Variants in MEI4 observed in about 807,000 individuals in gnomAD.
The protein encoded by MEI4 is meiosis-specific protein MEI4.
Under a neutral mutation model 31.4 loss-of-function variants are expected in MEI4, and 27 were observed. The observed-to-expected ratio is 0.86, with a 90% CI of 0.63 to 1.19. The LOEUF (loss-of-function observed/expected upper bound fraction) is 1.19. MEI4 is among the 50% of genes most tolerant of loss of function. MEI4 has a pLI of 0.00. For synonymous variants in MEI4, 122 were observed against 145.4 expected (o/e 0.84, Z 1.16); for missense variants, 329 against 398.9 (o/e 0.82, Z 1.49).
rs1343887853 is a variant in MEI4, at chr6:77,752,368, C to T, written c.233-8762C>T. ...ATGACGTGATTGTATATTTAGAAAC[C>T]CCCATTGTCTCAGCTGTCTTAAGCT... On this transcript the variant is annotated intron_variant, in intron 2 of 4. Coordinates refer to ENST00000684080, the MANE Select transcript of MEI4 (RefSeq NM_001322247.2). 5.9e-5 allele frequency among the ~76,000 whole-genome samples: 9 copies of T among 152,080 alleles called. No homozygotes were observed. In the East Asian group the frequency reaches 1.7e-3, roughly 29 times the overall value.
At chr6:77,858,505 TC>T (rs1770792647) in intron 4 of MEI4, among the ~76,000 whole-genome samples, 1 of 152,176 alleles carries the variant, frequency 6.6e-6, no homozygotes, top group African/African-American at 2.4e-5. Flanking sequence ...GAGTTTTTTT[TC>T]TTTTTCATTT....
chr6:77,816,638 T>A (rs1769695649), intron 3 of MEI4, among the ~76,000 whole-genome samples: 1 of 152,106 alleles, frequency 6.6e-6, no homozygotes, highest in Non-Finnish European at 1.5e-5. Context: ...TGATTTATAA[T>A]CCTTTGGGTA....
At chr6:77,813,809 C>A (rs1769628700) in intron 3 of MEI4, among the ~76,000 whole-genome samples, 1 of 152,166 alleles carries the variant, frequency 6.6e-6, no homozygotes, top group African/African-American at 2.4e-5. Flanking sequence ...AACTTGTCCA[C>A]TTATGGTTTT....
intron 2 of MEI4, among the ~76,000 whole-genome samples, chr6:77,731,740 T>C (rs1766999379): frequency 6.6e-6 from 1 of 151,740 alleles, no homozygotes; most frequent in Non-Finnish European, 1.5e-5. Flanking sequence ...TAGGTTTTCT[T>C]CTAGGGTTTT....
intron 2 of MEI4, among the ~76,000 whole-genome samples, chr6:77,748,617 T>C (rs921196636): frequency 1.3e-5 from 2 of 152,236 alleles, no homozygotes; most frequent in African/African-American, 2.4e-5. Flanking sequence ...TGGAGACATT[T>C]TCCCCATTGT....
Position 77,909,496 on chromosome 6 carries a change from A to G in MEI4, c.901-13593A>G, listed in dbSNP as rs927285826. ...ATTCCTCAGCACATACACCCTCCCA[A>G]GACTAAACCAGGAAGAAGTTGAATC... On this transcript the variant is annotated intron_variant, in intron 4 of 4. Coordinates refer to ENST00000684080, the MANE Select transcript of MEI4 (RefSeq NM_001322247.2). 5.9e-5 allele frequency among the ~76,000 whole-genome samples: 9 copies of G among 152,168 alleles called. 1 individual carries two copies. The highest frequency in any genetic ancestry group is 7.3e-5 in the Non-Finnish European group (5 of 68,030).
chr6:77,795,444 A>G (rs1391079388), intron 3 of MEI4, among the ~76,000 whole-genome samples: 2 of 152,166 alleles, frequency 1.3e-5, no homozygotes, highest in Non-Finnish European at 2.9e-5. Flanking sequence ...ACCTAGCTTA[A>G]ATCACACACA....
At chr6:77,755,939 T>G (rs1267427373) in intron 2 of MEI4, among the ~76,000 whole-genome samples, 1 of 151,836 alleles carries the variant, frequency 6.6e-6, no homozygotes, top group East Asian at 1.9e-4. Flanking sequence ...TGCACAATAA[T>G]AAATGAAGGC....
chr6:77,783,497 AT>A (rs1192712083), intron 3 of MEI4, among the ~76,000 whole-genome samples: 1 of 151,980 alleles, frequency 6.6e-6, no homozygotes, highest in African/African-American at 2.4e-5. Context: ...AGAAGTATGT[AT>A]TTTTTTTCTT....
intron 2 of MEI4, among the ~76,000 whole-genome samples, chr6:77,746,638 CGTGT>C (rs5877568): frequency 0.3 from 40,303 of 136,318 alleles, 5,950 homozygotes; most frequent in South Asian, 0.39. Context: ...AAATATATGG[CGTGT>C]GTGTGTGTGT....
At chr6:77,791,418 A>T (rs1768927544) in intron 3 of MEI4, among the ~76,000 whole-genome samples, 1 of 150,852 alleles carries the variant, frequency 6.6e-6, no homozygotes, top group Admixed American at 6.6e-5. Context: ...ATTCTCAGTA[A>T]ACTATCGCAA....
intron 1 of MEI4, among the ~76,000 whole-genome samples, chr6:77,685,979 C>A (rs1769047063): frequency 3.3e-5 from 5 of 152,010 alleles, no homozygotes; most frequent in Non-Finnish European, 7.4e-5. Flanking sequence ...GTCATGGGGA[C>A]AGCTTTCTCA....
chr6:77,687,439 T>A (rs1769078584), intron 1 of MEI4, among the ~76,000 whole-genome samples: 1 of 152,110 alleles, frequency 6.6e-6, no homozygotes, highest in Non-Finnish European at 1.5e-5. Flanking sequence ...CCAGTTCTGA[T>A]TCTCTGGGCA....
At chr6:77,804,719 GA>G (rs999037426) in intron 3 of MEI4, among the ~76,000 whole-genome samples, 1 of 152,134 alleles carries the variant, frequency 6.6e-6, no homozygotes, top group African/African-American at 2.4e-5. Flanking sequence ...CCAGAAAAAT[GA>G]AAATATCTAC....
Position 77,761,442 on chromosome 6 carries a change from C to T in MEI4, c.545C>T (p.Thr182Ile). 3 of 1,232,072 alleles carry T rather than the reference C, an allele frequency of 2.4e-6. No individual in the cohort carries two copies. The highest frequency in any genetic ancestry group is 2.0e-6 in the Non-Finnish European group (2 of 987,872). 76.3% of individuals were successfully genotyped at this position (1,232,072 alleles called of 1,614,324 possible). The change falls in exon 3 of 5, where the codon ACA becomes ATA. Residue 182 changes from threonine to isoleucine, a missense_variant. By Grantham distance (89) the Thr-to-Ile change is moderately conservative (BLOSUM62 -1). Coordinates refer to ENST00000684080, the MANE Select transcript of MEI4 (RefSeq NM_001322247.2). The part of the protein sequence containing the change: ...DLTHFEKDSS[T>I]VSDSVFQLLD... ...ACCCACTTTGAAAAAGACTCTTCCA[C>T]AGTCTCTGATTCTGTTTTTCAATTG...
intron 4 of MEI4, among the ~76,000 whole-genome samples, chr6:77,922,338 T>C (rs533653685): frequency 1.0e-3 from 156 of 151,860 alleles, no homozygotes; most frequent in Admixed American, 1.6e-3. Flanking sequence ...TAGTCTACTT[T>C]TCAGAGGATC....
intron 1 of MEI4, among the ~76,000 whole-genome samples, chr6:77,676,709 G>A (rs896483392): frequency 6.6e-5 from 10 of 152,076 alleles, no homozygotes; most frequent in African/African-American, 2.4e-4. Flanking sequence ...GGGAAGCCTG[G>A]CGGTTAGGAT....
chr6:77,707,346 A>C (rs975202500), intron 2 of MEI4, among the ~76,000 whole-genome samples: 3 of 152,218 alleles, frequency 2.0e-5, no homozygotes, highest in Non-Finnish European at 2.9e-5. Context: ...ATTTCTAAGC[A>C]GTAATGTTTA....
intron 4 of MEI4, among the ~76,000 whole-genome samples, chr6:77,913,508 T>C (rs553433666): frequency 2.8e-4 from 42 of 152,260 alleles, no homozygotes; most frequent in African/African-American, 1.0e-3. Flanking sequence ...TTCTGAATCA[T>C]TTTTGGCAGG....
Sources: allele counts gnomAD v4.1 joint callset (sites outside exome capture counted in the v4.1 genomes callset), GRCh38; gene constraint gnomAD v4.1.1; transcripts MANE v1.5; gene names NCBI Gene and HGNC (gene_info 2026-07-23, HGNC 2026-07-21).